ZER1: variants seen among roughly 807,000 people sequenced by gnomAD.
ZER1 encodes zyg-11 related cell cycle regulator.
Under a neutral mutation model 78.8 loss-of-function variants are expected in ZER1, and 11 were observed. The observed-to-expected ratio is 0.14, with a 90% CI of 0.09 to 0.23. The LOEUF is 0.23. Ranked by LOEUF, ZER1 falls within the 10% of genes least tolerant of loss-of-function variation. The pLI, the probability that ZER1 is intolerant of heterozygous loss-of-function variation, is 1.00. For synonymous variants in ZER1, 400 were observed against 407.0 expected, an observed-to-expected ratio of 0.98 and a Z score of 0.21; for missense variants, 588 against 996.9, an observed-to-expected ratio of 0.59 and a Z score of 5.52.
chr9:128,750,870 G>A (rs1863653719), intron 7 of ZER1, 81 bp from the exon 8 acceptor site: 2 of 1,571,270 alleles, frequency 1.3e-6, no homozygotes, highest in Non-Finnish European at 1.7e-6. Context: ...CAGGCTCTCT[G>A]GGGCAAGGTT....
chr9:128,743,566 T>C lies in ZER1; in HGVS notation c.1360-821A>G, dbSNP rs1297155035. On this transcript the variant is annotated intron_variant, in intron 8 of 15. Transcript: ENST00000291900. The stretch of plus-strand genomic sequence containing the variant: ...CATCCTGAGTAGCTGGTACTACAGC[T>C]GTGTGCCACCATATGCGCAGCTATT... Among the ~76,000 whole-genome samples, 8 of 150,832 alleles carry C rather than the reference T, an allele frequency of 5.3e-5. No homozygotes were observed. The East Asian group carries it at 1.6e-3, about 30-fold the overall frequency.
Position 128,751,911 on chromosome 9 carries a change from AC to A in ZER1, c.924-385del, listed in dbSNP as rs954895983. Among the ~76,000 whole-genome samples, 3 of 152,164 alleles carry A rather than the reference AC, an allele frequency of 2.0e-5. No homozygotes were observed. The highest frequency in any genetic ancestry group is 7.2e-5 in the African/African-American group (3 of 41,440). Reference sequence around the variant, plus strand: ...AGGGTTTGGTCAAACTTCTCAACCAACCAATCCAAGAACCGACCTATGTCCA... The same window carrying A: ...AGGGTTTGGTCAAACTTCTCAACCAACAATCCAAGAACCGACCTATGTCCA... On this transcript the variant is annotated intron_variant, in intron 5 of 15. Transcript: ENST00000291900. This position sits in a 1 kb window ranked among gnomAD's most constrained non-coding sequence, Gnocchi z 5.4.
At chr9:128,735,016 G>A (rs1317928970) in intron 14 of ZER1, among the ~76,000 whole-genome samples, 2 of 152,124 alleles carry the variant, frequency 1.3e-5, no homozygotes, top group Admixed American at 6.6e-5. Flanking sequence ...TCGGCCTCCT[G>A]AATAGCTGGT....
intron 9 of ZER1, 50 bp from the exon 10 acceptor site, chr9:128,741,891 C>G (rs370648122): frequency 1.6e-4 from 266 of 1,613,262 alleles, no homozygotes; most frequent in Non-Finnish European, 2.1e-4. Flanking sequence ...GAAGAACTCC[C>G]ACCCCCACGA....
chr9:128,748,803 T>G (rs891222830), intron 8 of ZER1, among the ~76,000 whole-genome samples: 29 of 149,898 alleles, frequency 1.9e-4, no homozygotes, highest in Admixed American at 1.0e-3. Flanking sequence ...AACTCCTGAC[T>G]TCAGGTGATC....
intron 1 of ZER1, among the ~76,000 whole-genome samples, chr9:128,768,163 C>T (rs373736450): frequency 1.3e-5 from 2 of 152,220 alleles, no homozygotes; most frequent in East Asian, 3.9e-4. Flanking sequence ...TCAGCGATTG[C>T]GCCAGATATA....
intron 14 of ZER1, among the ~76,000 whole-genome samples, chr9:128,734,639 C>T (rs112847156): frequency 3.3e-4 from 50 of 152,084 alleles, no homozygotes; most frequent in African/African-American, 1.1e-3. Context: ...TGGCCTCCAG[C>T]GCTCATTCTA....
rs768733032 is a variant in ZER1, at chr9:128,753,940, C to T, written c.178G>A (p.Ala60Thr). The change falls in exon 3 of 16, where the codon GCT (alanine) becomes ACT (threonine). Residue 60 changes from alanine to threonine, a missense_variant. Coordinates refer to ENST00000291900, the MANE Select transcript of ZER1 (RefSeq NM_006336.4). The surrounding 1 kb of genome is among the most constrained non-coding windows in gnomAD (Gnocchi z 7.5). ...TCGTGTGGCTCGAAGTTACAGGCAG[C>T]GTTCACCAGCTCCACATACCTGGGA... ...LVNEYVELVNAACNFEPHESF... is the reference protein window; with the variant it reads ...LVNEYVELVNTACNFEPHESF... 1.8e-5 allele frequency: 29 copies of T among 1,588,720 alleles called. No homozygotes were observed. In the South Asian group the frequency reaches 2.7e-4, roughly 15 times the overall value.
intron 11 of ZER1, among the ~76,000 whole-genome samples, 177 bp downstream of exon 11, chr9:128,741,358 T>G (rs1052828007): frequency 6.6e-6 from 1 of 152,026 alleles, no homozygotes; most frequent in Non-Finnish European, 1.5e-5. Context: ...GCCATCTGGG[T>G]CTGGAGCTTC....
At chr9:128,741,480 A>C in intron 11 of ZER1, 55 bp downstream of exon 11, 1 of 1,613,222 alleles carries the variant, frequency 6.2e-7, no homozygotes, top group Non-Finnish European at 8.5e-7. Flanking sequence ...CTAGGGACAG[A>C]AGAGGGGCCA....
chr9:128,745,083 C>T (rs1054662154), intron 8 of ZER1, among the ~76,000 whole-genome samples: 3 of 152,042 alleles, frequency 2.0e-5, no homozygotes, highest in Non-Finnish European at 4.4e-5. Context: ...GACTGTTTTC[C>T]GCAGTGGCTT....
chr9:128,734,533 T>C (rs939784101), intron 14 of ZER1, among the ~76,000 whole-genome samples: 1 of 151,480 alleles, frequency 6.6e-6, no homozygotes, highest in Non-Finnish European at 1.5e-5. Flanking sequence ...AGGGTTGCGC[T>C]GTGTTGCCTG....
In ZER1 at chr9:128,751,788, C is replaced by G. The variant is rs1388551502; in HGVS notation, c.924-261G>C. Among the ~76,000 whole-genome samples the G allele has an allele frequency of 6.6e-6, 1 of 152,228 alleles. No homozygotes were observed. The highest frequency in any genetic ancestry group is 2.4e-5 in the African/African-American group (1 of 41,450). On this transcript the variant is annotated intron_variant, in intron 5 of 15. Transcript: ENST00000291900. This position sits in a 1 kb window ranked among gnomAD's most constrained non-coding sequence, Gnocchi z 5.4. ...CTGCCATTCTAGTAAGGACATGGCA[C>G]CTTTAGGTCTCACCAACAATCACAA...
intron 1 of ZER1, among the ~76,000 whole-genome samples, chr9:128,766,133 G>A (rs573479727): frequency 1.3e-5 from 2 of 151,674 alleles, no homozygotes; most frequent in South Asian, 2.1e-4. Context: ...GGCGGATCAC[G>A]AGGTGAAGAG....
At chr9:128,756,340 G>A (rs1863858626) in intron 1 of ZER1, among the ~76,000 whole-genome samples, 1 of 152,130 alleles carries the variant, frequency 6.6e-6, no homozygotes. Flanking sequence ...CAGCTACTCG[G>A]GAGGCTGAGG....
At chr9:128,757,348 GTC>G (rs1254521560) in intron 1 of ZER1, among the ~76,000 whole-genome samples, 2 of 151,962 alleles carry the variant, frequency 1.3e-5, no homozygotes, top group African/African-American at 4.8e-5. Context: ...GCGAAACCCT[GTC>G]TCTACAAAAA....
intron 14 of ZER1, among the ~76,000 whole-genome samples, chr9:128,734,143 AAATATATAT>A (rs1225980201): frequency 2.7e-5 from 1 of 36,974 alleles, no homozygotes; most frequent in Non-Finnish European, 5.4e-5. Context: ...AAAAAAAAAA[AAATATATAT>A]ATATATATAT....
At chr9:128,737,227 T>G (rs1863115523) in intron 13 of ZER1, among the ~76,000 whole-genome samples, 1 of 151,628 alleles carries the variant, frequency 6.6e-6, no homozygotes, top group Admixed American at 6.6e-5. Context: ...CAAGTGATCT[T>G]CCTGCCTTGG....
rs1182959510 is a variant in ZER1, at chr9:128,729,879, T to A, written c.*1458A>T. The A allele has an allele frequency of 6.6e-6, 1 of 152,528 alleles. No homozygotes were observed. Among genetic ancestry groups the A allele is most frequent in the East Asian group, 1.9e-4 (1 of 5,146 alleles). 9.4% of individuals were successfully genotyped at this position (152,528 alleles called of 1,614,324 possible). A position where few individuals can be genotyped will look rare whatever the true frequency, so the allele number is the denominator to read the frequency against. On this transcript the variant is annotated 3_prime_UTR_variant, in exon 16 of 16. Coordinates refer to ENST00000291900, the MANE Select transcript of ZER1 (RefSeq NM_006336.4). ...GGGTAAAGCAATGAGGTGTGAAGTC[T>A]GCCAGGGTCTGGCCGGGGCCGCTGA...
Sources: gnomAD v4.1 joint callset for allele counts (sites outside exome capture counted in the v4.1 genomes callset) on GRCh38, gnomAD v4.1.1 for gene constraint, Gnocchi (gnomAD v3.1) non-coding constraint, MANE v1.5 for transcripts, NCBI Gene and HGNC (gene_info 2026-07-23, HGNC 2026-07-21) for gene names.